Variants in ESRRB observed in about 807,000 individuals in gnomAD.
The protein encoded by ESRRB is estrogen related receptor beta, also known as steroid hormone receptor ERR2.
In ESRRB, 16 loss-of-function variants were observed where a neutral mutation model predicts 46.0. The ratio of observed to expected loss-of-function variants is 0.35; its 90% confidence interval spans 0.24 to 0.53. The LOEUF is 0.53. Ranked by LOEUF, ESRRB falls within the 20% of genes least tolerant of loss-of-function variation. The pLI, the probability that ESRRB is intolerant of heterozygous loss-of-function variation, is 0.93. For synonymous variants in ESRRB, 246 were observed against 259.6 expected (o/e 0.95, Z 0.50); for missense variants, 488 against 607.4 (o/e 0.80, Z 2.07).
At chr14:76,412,904 C>T (rs1451993959) in intron 1 of ESRRB, among the ~76,000 whole-genome samples, 1 of 152,088 alleles carries the variant, frequency 6.6e-6, no homozygotes, top group Non-Finnish European at 1.5e-5. Flanking sequence ...TCACTTGAAC[C>T]CAGGAGTTCA....
At chr14:76,413,770 C>T (rs191637229) in intron 1 of ESRRB, among the ~76,000 whole-genome samples, 117 of 152,120 alleles carry the variant, frequency 7.7e-4, no homozygotes, top group African/African-American at 2.6e-3. Flanking sequence ...AACAACTTCT[C>T]ATGTGCAGCA....
intron 1 of ESRRB, among the ~76,000 whole-genome samples, chr14:76,365,173 T>G (rs1884505850): frequency 6.6e-6 from 1 of 152,136 alleles, no homozygotes; most frequent in Admixed American, 6.5e-5. Context: ...GAGTTCTTTG[T>G]TTTTAGAATC....
chr14:76,386,920 T>G (rs747116767), intron 1 of ESRRB, among the ~76,000 whole-genome samples: 34 of 152,160 alleles, frequency 2.2e-4, no homozygotes, highest in Admixed American at 4.6e-4. Context: ...GTCAAGTCTT[T>G]TTGGGAACCT....
intron 1 of ESRRB, among the ~76,000 whole-genome samples, chr14:76,378,485 A>C (rs1884872674): frequency 6.6e-6 from 1 of 151,340 alleles, no homozygotes; most frequent in Non-Finnish European, 1.5e-5. Flanking sequence ...TAGATCCCCA[A>C]CCCTTTCCGG....
chr14:76,449,079 A>G (rs1318063405), intron 2 of ESRRB, among the ~76,000 whole-genome samples: 1 of 152,168 alleles, frequency 6.6e-6, no homozygotes, highest in African/African-American at 2.4e-5. Flanking sequence ...ATGCGCTGCT[A>G]TCCCTAAAGT....
intron 1 of ESRRB, among the ~76,000 whole-genome samples, chr14:76,415,752 C>T (rs1886670553): frequency 1.3e-5 from 2 of 152,314 alleles, no homozygotes. Flanking sequence ...AATGGTGCTC[C>T]TGTTTCAGCC....
chr14:76,395,585 T>C (rs896576785), intron 1 of ESRRB, among the ~76,000 whole-genome samples: 7 of 152,060 alleles, frequency 4.6e-5, no homozygotes, highest in Non-Finnish European at 1.5e-5. Flanking sequence ...GCTGGCCTCA[T>C]CTGAAAAGTG....
At chr14:76,424,893 C>T (rs149123663) in intron 1 of ESRRB, among the ~76,000 whole-genome samples, 1,578 of 152,210 alleles carry the variant, frequency 0.01, 15 homozygotes, top group Non-Finnish European at 0.015. Context: ...TGCACCACCA[C>T]GCCCGGCTAA....
intron 1 of ESRRB, among the ~76,000 whole-genome samples, chr14:76,429,539 T>C (rs1455152068): frequency 2.0e-5 from 3 of 152,022 alleles, no homozygotes; most frequent in Non-Finnish European, 2.9e-5. Context: ...TCACCTGAGG[T>C]TGGGAGTTCC....
intron 1 of ESRRB, among the ~76,000 whole-genome samples, chr14:76,388,506 C>T (rs1196064923): frequency 6.6e-6 from 1 of 152,022 alleles, no homozygotes; most frequent in Admixed American, 6.6e-5. Flanking sequence ...CTTTCTAACT[C>T]CTGCCTTCAG....
chr14:76,442,797 TTTTTC>T (rs1452840679), intron 2 of ESRRB, among the ~76,000 whole-genome samples: 2 of 151,278 alleles, frequency 1.3e-5, no homozygotes, highest in African/African-American at 2.4e-5. Context: ...ATAAATTTCT[TTTTTC>T]TTTTCTTTTT....
intron 2 of ESRRB, among the ~76,000 whole-genome samples, chr14:76,447,039 C>T (rs1259534585): frequency 2.6e-5 from 4 of 152,158 alleles, no homozygotes; most frequent in Non-Finnish European, 4.4e-5. Context: ...GCCGCCAAAC[C>T]GATGCACTCT....
At chr14:76,393,731 G>A (rs79685434) in intron 1 of ESRRB, among the ~76,000 whole-genome samples, 3,307 of 152,248 alleles carry the variant, frequency 0.022, 125 homozygotes, top group African/African-American at 0.076. Flanking sequence ...TTCTGAGGGC[G>A]GAAGGACCTG....
chr14:76,419,336 A>T (rs2139883737), intron 1 of ESRRB, among the ~76,000 whole-genome samples: 1 of 152,246 alleles, frequency 6.6e-6, no homozygotes, highest in Non-Finnish European at 1.5e-5. Flanking sequence ...AAATGTTGAG[A>T]TCGAGCTTCG....
At chr14:76,349,827 G>A (rs1041143641) in intron 1 of ESRRB, among the ~76,000 whole-genome samples, 34 of 152,220 alleles carry the variant, frequency 2.2e-4, no homozygotes, top group South Asian at 2.1e-4. Flanking sequence ...AAGGGAAAAA[G>A]GGAAGGAAAG....
intron 1 of ESRRB, among the ~76,000 whole-genome samples, chr14:76,432,363 T>C (rs1194308195): frequency 2.0e-5 from 3 of 152,202 alleles, no homozygotes; most frequent in African/African-American, 4.8e-5. Context: ...CCGCTTGCAT[T>C]GTTGCACCAG....
chr14:76,482,119 A>G lies in ESRRB; in HGVS notation c.681A>G (p.Lys227=). 1.2e-6 allele frequency: 2 copies of G among 1,613,694 alleles called. No homozygotes were observed. The highest frequency in any genetic ancestry group is 1.7e-6 in the Non-Finnish European group (2 of 1,179,556). Residue 227 remains lysine, a synonymous_variant, in exon 4 of 7, where the codon AAA becomes AAG. Transcript: ENST00000644823. The surrounding 1 kb of genome is among the most constrained non-coding windows in gnomAD (Gnocchi z 4.3). Reference sequence around the variant, plus strand: ...GCTTACAAATTTCTCCACCTGCTAAAAAGCCATGTGAGTGTCAGGGCAGTC... The same window carrying G: ...GCTTACAAATTTCTCCACCTGCTAAGAAGCCATGTGAGTGTCAGGGCAGTC... ...YLSLQISPPA[K]KPLTKIVSYL... is the part of the protein sequence containing the mutation.
At chr14:76,382,804 T>G (rs558420421) in intron 1 of ESRRB, among the ~76,000 whole-genome samples, 8 of 152,324 alleles carry the variant, frequency 5.3e-5, no homozygotes, top group African/African-American at 1.9e-4. Flanking sequence ...TGCTGTGCTT[T>G]TAAACCTATA....
In ESRRB at chr14:76,500,914, C is replaced by T; in HGVS notation, c.*2456C>T. 1.6e-6 allele frequency: 1 copy of T among 642,732 alleles called. No homozygotes were observed. Among genetic ancestry groups the T allele is most frequent in the Non-Finnish European group, 2.8e-6 (1 of 354,542 alleles). 39.8% of individuals were successfully genotyped at this position (642,732 alleles called of 1,614,324 possible). A position where few individuals can be genotyped will look rare whatever the true frequency, so the allele number is the denominator to read the frequency against. On this transcript the variant is annotated 3_prime_UTR_variant, in exon 7 of 7. Transcript: ENST00000644823. ...ATCACAACAGGAAATGTGTCAGTAA[C>T]AATGGAACTCCATCCAATGGGAAAG... is the stretch of plus-strand genomic sequence containing the variant.
Sources: allele counts gnomAD v4.1 joint callset (sites outside exome capture counted in the v4.1 genomes callset), GRCh38; gene constraint gnomAD v4.1.1; non-coding constraint Gnocchi (gnomAD v3.1); transcripts MANE v1.5; gene names NCBI Gene and HGNC (gene_info 2026-07-23, HGNC 2026-07-21).